Variants in KCNH1 observed in about 807,000 individuals in gnomAD.
KCNH1 encodes the protein voltage-gated delayed rectifier potassium channel KCNH1.
KCNH1 carries 27 observed loss-of-function variants against 69.2 expected under a neutral mutation model. That is an observed-to-expected ratio of 0.39 (90% CI 0.29 to 0.54). KCNH1 has a LOEUF of 0.54. Among genes scored for constraint, KCNH1 ranks in the 20% least tolerant of loss-of-function variants. The pLI is 0.68. For synonymous variants in KCNH1, 456 were observed against 487.7 expected, an observed-to-expected ratio of 0.93 and a Z score of 0.86; for missense variants, 798 against 1,261.6, an observed-to-expected ratio of 0.63 and a Z score of 5.57.
intron 5 of KCNH1, among the ~76,000 whole-genome samples, chr1:211,043,339 A>G (rs902543708): frequency 2.0e-5 from 3 of 152,202 alleles, no homozygotes; most frequent in African/African-American, 7.2e-5. Context: ...TTACACACAT[A>G]AACTAGAAAA....
At chr1:211,001,402 CA>C (rs1323146898) in intron 6 of KCNH1, among the ~76,000 whole-genome samples, 1 of 152,154 alleles carries the variant, frequency 6.6e-6, no homozygotes, top group African/African-American at 2.4e-5. Context: ...AGCCAAAAGA[CA>C]CATGAAAAAA....
chr1:210,898,684 G>C (rs531185224), intron 7 of KCNH1, among the ~76,000 whole-genome samples: 11 of 151,852 alleles, frequency 7.2e-5, no homozygotes, highest in Admixed American at 2.0e-4. Context: ...GTGGCGGCGG[G>C]GGGGGGTCCT....
chr1:210,943,542 C>T (rs1054540633), intron 6 of KCNH1, among the ~76,000 whole-genome samples: 1 of 151,620 alleles, frequency 6.6e-6, no homozygotes, highest in African/African-American at 2.4e-5. Flanking sequence ...TTAGCAGAGA[C>T]GGAGTTTCAC....
chr1:211,068,420 G>A (rs1057178606), intron 5 of KCNH1, among the ~76,000 whole-genome samples: 8 of 151,930 alleles, frequency 5.3e-5, no homozygotes, highest in Admixed American at 4.6e-4. Flanking sequence ...TTTTGAGACG[G>A]AGTCTTGCTC....
intron 10 of KCNH1, among the ~76,000 whole-genome samples, chr1:210,744,529 A>T (rs1257012207): frequency 1.3e-5 from 2 of 152,166 alleles, no homozygotes; most frequent in African/African-American, 4.8e-5. Context: ...CTGTAGTCCC[A>T]GCTACTCAGG....
chr1:210,827,999 C>T (rs1395800624), intron 7 of KCNH1, among the ~76,000 whole-genome samples: 1 of 152,024 alleles, frequency 6.6e-6, no homozygotes, highest in Admixed American at 6.6e-5. Flanking sequence ...AGGTGTGCAC[C>T]ACCTGGCTAA....
chr1:211,023,528 T>C (rs903895333), intron 5 of KCNH1, among the ~76,000 whole-genome samples: 1 of 151,494 alleles, frequency 6.6e-6, no homozygotes, highest in Non-Finnish European at 1.5e-5. Flanking sequence ...CTGGAGGATA[T>C]TATGTTAAAT....
intron 6 of KCNH1, among the ~76,000 whole-genome samples, chr1:211,012,133 T>C (rs767951289): frequency 9.9e-5 from 15 of 152,140 alleles, no homozygotes; most frequent in Non-Finnish European, 1.5e-4. Context: ...AGCACAAACA[T>C]GAAAGATAGA....
intron 7 of KCNH1, among the ~76,000 whole-genome samples, chr1:210,804,890 C>T (rs1192077392): frequency 1.3e-5 from 2 of 152,158 alleles, no homozygotes; most frequent in African/African-American, 4.8e-5. Context: ...ATCAAGTCCC[C>T]TTTGAGACAT....
chr1:210,771,265 T>C (rs899985833), intron 10 of KCNH1, among the ~76,000 whole-genome samples: 34 of 152,148 alleles, frequency 2.2e-4, no homozygotes, highest in African/African-American at 8.2e-4. Context: ...GAAGAAACAA[T>C]AGCGCTGTGC....
At chr1:210,709,037 G>C (rs998777533) in intron 10 of KCNH1, among the ~76,000 whole-genome samples, 1 of 152,132 alleles carries the variant, frequency 6.6e-6, no homozygotes, top group African/African-American at 2.4e-5. Context: ...GATCATTTGA[G>C]GCCAGTAGCT....
chr1:211,001,589 T>C (rs1362179700), intron 6 of KCNH1, among the ~76,000 whole-genome samples: 1 of 152,136 alleles, frequency 6.6e-6, no homozygotes, highest in Non-Finnish European at 1.5e-5. Flanking sequence ...GTTCAACCAT[T>C]GTGGAAGTCA....
rs146017426 is a variant in KCNH1, at chr1:210,728,031, T to C, written c.2113-43893A>G. On this transcript the variant is annotated intron_variant, in intron 10 of 10. Coordinates refer to ENST00000271751, the MANE Select transcript of KCNH1 (RefSeq NM_172362.3). ...AGCAGACAACCTGCACCAGAATCAA[T>C]TGATACTTGTTAAAATGCAGACTCC... is the stretch of plus-strand genomic sequence containing the variant. Among the ~76,000 whole-genome samples the C allele has an allele frequency of 3.7e-4, 56 of 152,338 alleles. No homozygotes were observed. The Middle Eastern group carries it at 0.01, about 28-fold the overall frequency.
chr1:210,810,091 A>T (rs1256510558), intron 7 of KCNH1, among the ~76,000 whole-genome samples: 1 of 152,048 alleles, frequency 6.6e-6, no homozygotes, highest in Non-Finnish European at 1.5e-5. Context: ...TTTATGAGAC[A>T]TCTTCTAATA....
intron 6 of KCNH1, among the ~76,000 whole-genome samples, chr1:210,981,372 C>CAAAAAAAAAAAAAAAAA: frequency 1.2e-5 from 1 of 85,494 alleles, no homozygotes; most frequent in Non-Finnish European, 2.1e-5. Flanking sequence ...GTAACAACGA[C>CAAAAAAAAAAAAAAAAA]AAAAAAAAAA....
chr1:210,940,368 A>G (rs1280664627), intron 6 of KCNH1, among the ~76,000 whole-genome samples: 1 of 152,236 alleles, frequency 6.6e-6, no homozygotes, highest in East Asian at 1.9e-4. Flanking sequence ...ATAAAGACTG[A>G]ATTAGCACAA....
At chr1:210,836,247 A>G (rs960595130) in intron 7 of KCNH1, among the ~76,000 whole-genome samples, 4 of 152,182 alleles carry the variant, frequency 2.6e-5, no homozygotes, top group African/African-American at 9.7e-5. Flanking sequence ...GCAGGGTTTC[A>G]ATGACAGTGA....
chr1:210,843,048 C>A (rs997025654), intron 7 of KCNH1, among the ~76,000 whole-genome samples: 1 of 152,166 alleles, frequency 6.6e-6, no homozygotes, highest in Non-Finnish European at 1.5e-5. Context: ...TCTAAAATGT[C>A]CTTGGTGAAA....
At chr1:210,831,618 T>C (rs1186731044) in intron 7 of KCNH1, among the ~76,000 whole-genome samples, 8 of 152,154 alleles carry the variant, frequency 5.3e-5, no homozygotes, top group African/African-American at 1.9e-4. Flanking sequence ...GCAGAAATCA[T>C]CTCCTCATAC....
Sources: allele counts gnomAD v4.1 joint callset (sites outside exome capture counted in the v4.1 genomes callset), GRCh38; gene constraint gnomAD v4.1.1; transcripts MANE v1.5; gene names NCBI Gene and HGNC (gene_info 2026-07-23, HGNC 2026-07-21).